The following KHDRBS2 variants were observed in gnomAD, a reference collection of about 807,000 sequenced individuals.
KHDRBS2 encodes KH RNA binding domain containing, signal transduction associated 2.
KHDRBS2 carries 26 observed loss-of-function variants against 44.3 expected under a neutral mutation model. The ratio of observed to expected loss-of-function variants is 0.59; its 90% CI spans 0.43 to 0.81. KHDRBS2 has a LOEUF of 0.81. Ranked by LOEUF, KHDRBS2 falls within the 40% of genes least tolerant of loss-of-function variation. The pLI is 0.00. For synonymous variants in KHDRBS2, 194 were observed against 151.1 expected, an observed-to-expected ratio of 1.28 and a Z score of -2.08; for missense variants, 476 against 433.1, an observed-to-expected ratio of 1.10 and a Z score of -0.88.
At chr6:61,638,220 C>T in the KHDRBS2 span, among the ~76,000 whole-genome samples, 2 of 152,016 alleles carry the variant, frequency 1.3e-5, no homozygotes, top group African/African-American at 2.4e-5. Flanking sequence ...GCCAAAAGAA[C>T]AAAGCTGGAG....
the KHDRBS2 span, among the ~76,000 whole-genome samples, chr6:61,603,079 C>G: frequency 1.3e-5 from 2 of 152,170 alleles, no homozygotes; most frequent in South Asian, 4.2e-4. Context: ...ACCCTTACCC[C>G]GCTCAATGCC....
intron 8 of KHDRBS2, among the ~76,000 whole-genome samples, chr6:61,692,623 TACACA>T (rs571909877): frequency 1.6e-3 from 238 of 152,264 alleles, no homozygotes; most frequent in African/African-American, 5.6e-3. Flanking sequence ...TCAGTTTTCA[TACACA>T]AAACATAATG....
rs1412341087 is a variant in KHDRBS2, at chr6:62,023,813, C to T, written c.336+24065G>A. Among the ~76,000 whole-genome samples, 9 of 150,986 alleles carry T rather than the reference C, an allele frequency of 6.0e-5. No individual in the cohort carries two copies. The South Asian group carries it at 1.9e-3, about 31-fold the overall frequency. Reference sequence around the variant, plus strand: ...TGAGAATATTTACAGAATCATTATTCCTAAAATTACTTAGATATGCGCAAA... The same window carrying T: ...TGAGAATATTTACAGAATCATTATTTCTAAAATTACTTAGATATGCGCAAA... On this transcript the variant is annotated intron_variant, in intron 3 of 8. Coordinates refer to ENST00000281156, the MANE Select transcript of KHDRBS2 (RefSeq NM_152688.4).
In KHDRBS2 at chr6:62,175,189, T is replaced by C. The variant is rs79644054; in HGVS notation, c.219+1996A>G. ...CTGCTTCTCAGAATTTCACTCTTTT[T>C]CTATCAAAAAGCTCTAAAGTTATCT... On this transcript the variant is annotated intron_variant, in intron 2 of 8. Transcript: ENST00000281156. 3.0e-4 allele frequency among the ~76,000 whole-genome samples: 45 copies of C among 151,806 alleles called. No individual in the cohort carries two copies. In the East Asian group the frequency reaches 8.7e-3, roughly 29 times the overall value.
chr6:62,047,011 T>C (rs190504725), intron 3 of KHDRBS2, among the ~76,000 whole-genome samples: 139 of 152,052 alleles, frequency 9.1e-4, no homozygotes, highest in African/African-American at 3.2e-3. Context: ...ACACTATAAA[T>C]TTCCTCATTT....
At chr6:61,917,890 C>T (rs371975497) in intron 4 of KHDRBS2, among the ~76,000 whole-genome samples, 7 of 152,016 alleles carry the variant, frequency 4.6e-5, no homozygotes, top group Admixed American at 1.3e-4. Context: ...CAAGTTGAAA[C>T]AGCCTATTCA....
At chr6:62,005,541 T>C (rs1018191914) in intron 3 of KHDRBS2, among the ~76,000 whole-genome samples, 2 of 151,768 alleles carry the variant, frequency 1.3e-5, no homozygotes, top group Non-Finnish European at 2.9e-5. Flanking sequence ...TTTCAGTACA[T>C]TTATAGACTT....
chr6:61,851,786 C>T (rs1476993522), intron 6 of KHDRBS2, among the ~76,000 whole-genome samples: 2 of 152,108 alleles, frequency 1.3e-5, no homozygotes, highest in Admixed American at 6.6e-5. Flanking sequence ...AAAAGATATT[C>T]AATATGTTTT....
At chr6:61,774,885 AT>A (rs564515321) in intron 6 of KHDRBS2, among the ~76,000 whole-genome samples, 10 of 152,296 alleles carry the variant, frequency 6.6e-5, no homozygotes, top group Admixed American at 1.3e-4. Context: ...CAATGCAAAA[AT>A]CCTCAAGAAA....
At chr6:61,844,596 A>G (rs1228020178) in intron 6 of KHDRBS2, among the ~76,000 whole-genome samples, 1 of 152,180 alleles carries the variant, frequency 6.6e-6, no homozygotes, top group Non-Finnish European at 1.5e-5. Flanking sequence ...ACAAAATCTC[A>G]TAAAAGCAAG....
chr6:62,243,352 T>C (rs1372153736), intron 1 of KHDRBS2, among the ~76,000 whole-genome samples: 1 of 152,066 alleles, frequency 6.6e-6, no homozygotes, highest in Non-Finnish European at 1.5e-5. Flanking sequence ...TATGTGCTCA[T>C]GGTTCAATTT....
At chr6:61,813,893 C>T (rs1487040052) in intron 6 of KHDRBS2, 2 of 455,724 alleles carry the variant, frequency 4.4e-6, no homozygotes, top group Admixed American at 4.7e-5. Flanking sequence ...GGCACTTTGC[C>T]TCCATTATTA....
intron 4 of KHDRBS2, among the ~76,000 whole-genome samples, chr6:61,969,675 G>A (rs1309382915): frequency 2.6e-5 from 4 of 151,958 alleles, no homozygotes; most frequent in African/African-American, 7.2e-5. Context: ...AAGAACAGAA[G>A]AGGATTAAAA....
intron 2 of KHDRBS2, among the ~76,000 whole-genome samples, chr6:62,150,935 T>C (rs1815030978): frequency 6.6e-6 from 1 of 152,186 alleles, no homozygotes; most frequent in African/African-American, 2.4e-5. Context: ...TTATAATTCA[T>C]GTTTGATCTT....
chr6:62,218,563 A>T (rs1304693874), intron 1 of KHDRBS2, among the ~76,000 whole-genome samples: 2 of 151,878 alleles, frequency 1.3e-5, no homozygotes, highest in Non-Finnish European at 2.9e-5. Flanking sequence ...TTTAGCCAGG[A>T]ATTGGTAACA....
chr6:61,752,353 A>AC (rs1777826278), intron 6 of KHDRBS2, among the ~76,000 whole-genome samples: 1 of 152,156 alleles, frequency 6.6e-6, no homozygotes, highest in Non-Finnish European at 1.5e-5. Flanking sequence ...CAACATGCTC[A>AC]AGATCTCACA....
At chr6:62,047,382 T>C (rs1275031877) in intron 3 of KHDRBS2, among the ~76,000 whole-genome samples, 4 of 151,936 alleles carry the variant, frequency 2.6e-5, no homozygotes, top group Admixed American at 2.6e-4. Flanking sequence ...AGTTGTTTAA[T>C]ATCATTGAAG....
At chr6:62,276,397 G>C (rs1187373633) in intron 1 of KHDRBS2, among the ~76,000 whole-genome samples, 2 of 152,150 alleles carry the variant, frequency 1.3e-5, no homozygotes, top group Non-Finnish European at 2.9e-5. Context: ...GTTGTTCTTT[G>C]CTTCTAGAAG....
rs954641639 is a variant in KHDRBS2, at chr6:62,109,975, T to A, written c.220-61981A>T. ...TTCATGACTTTGGGTTAGGAAAATA[T>A]TTCTTAGATATGAAATGAAAAGCCA... On this transcript the variant is annotated intron_variant, in intron 2 of 8. Coordinates refer to ENST00000281156, the MANE Select transcript of KHDRBS2 (RefSeq NM_152688.4). Among the ~76,000 whole-genome samples the A allele has an allele frequency of 2.0e-5, 3 of 151,968 alleles. No individual in the cohort carries two copies. In the East Asian group the frequency reaches 5.8e-4, roughly 29 times the overall value.
Sources: allele counts gnomAD v4.1 joint callset (sites outside exome capture counted in the v4.1 genomes callset), GRCh38; gene constraint gnomAD v4.1.1; transcripts MANE v1.5; gene names NCBI Gene and HGNC (gene_info 2026-07-23, HGNC 2026-07-21).